Variants in FKBP5 observed in about 807,000 individuals in gnomAD.
The protein encoded by FKBP5 is peptidyl-prolyl cis-trans isomerase FKBP5.
A neutral mutation model predicts 50.5 loss-of-function variants in FKBP5; 23 were observed. That is an observed-to-expected ratio of 0.46 (90% CI 0.33 to 0.65). The LOEUF (loss-of-function observed/expected upper bound fraction) is 0.65, where lower values mean the gene tolerates loss of function less well. Ranked by LOEUF, FKBP5 falls within the 30% of genes least tolerant of loss-of-function variation. The pLI is 0.02. For missense variants in FKBP5, 411 were observed against 553.1 expected (o/e 0.74, Z 2.58); for synonymous variants, 176 against 190.6 (o/e 0.92, Z 0.63).
At chr6:35,620,842 T>C (rs545135032) in intron 3 of FKBP5, among the ~76,000 whole-genome samples, 21 of 152,212 alleles carry the variant, frequency 1.4e-4, no homozygotes, top group Non-Finnish European at 2.2e-4. Flanking sequence ...GTGGTAACAT[T>C]ATCCATGAAA....
At chr6:35,588,653 T>C (rs953401734) in intron 7 of FKBP5, among the ~76,000 whole-genome samples, 16 of 152,018 alleles carry the variant, frequency 1.1e-4, no homozygotes, top group African/African-American at 3.4e-4. Flanking sequence ...CAGGCTGGAG[T>C]GCAGTGGCAC....
At chr6:35,600,270 C>T (rs1028367104) in intron 5 of FKBP5, among the ~76,000 whole-genome samples, 1 of 151,870 alleles carries the variant, frequency 6.6e-6, no homozygotes, top group Non-Finnish European at 1.5e-5. Flanking sequence ...TTACTGAATT[C>T]GCTGAGGGTG....
chr6:35,651,756 C>A lies in FKBP5; in HGVS notation c.-19-8913G>T, dbSNP rs189739595. ...CAAGTGAAAAACTCCACACCTAATA[C>A]TTGTTTTCTAATGATTCAAGGTACA... is the stretch of plus-strand genomic sequence containing the variant. On this transcript the variant is annotated intron_variant, in intron 1 of 10. Transcript: ENST00000357266. 7.2e-4 allele frequency: 130 copies of A among 181,096 alleles called. 1 individual carries two copies. Among genetic ancestry groups the A allele is most frequent in the African/African-American group, 2.7e-3 (113 of 42,056 alleles). The allele number at this position is 181,096 out of a possible 1,614,324, so 11.2% of individuals were successfully genotyped here.
At chr6:35,688,535 C>T (rs1483759125) in intron 1 of FKBP5, among the ~76,000 whole-genome samples, 1 of 151,314 alleles carries the variant, frequency 6.6e-6, no homozygotes, top group Non-Finnish European at 1.5e-5. Flanking sequence ...CCCGCGGTCA[C>T]TAGTCTCCGC....
chr6:35,635,950 A>G (rs757792420), intron 3 of FKBP5, among the ~76,000 whole-genome samples: 5 of 152,238 alleles, frequency 3.3e-5, no homozygotes, highest in Non-Finnish European at 5.9e-5. Context: ...TCAAAACTGT[A>G]CAACTTGTAA....
In FKBP5 at chr6:35,658,930, A is replaced by C. The variant is rs1765031113; in HGVS notation, c.-19-16087T>G. On this transcript the variant is annotated intron_variant, in intron 1 of 10. Transcript: ENST00000357266. ...TACCAAAAAATACAAAAATTAGCTGAGCATGGTGGCACACACCTGTAGTCC... is the reference window on the plus strand; with the variant it reads ...TACCAAAAAATACAAAAATTAGCTGCGCATGGTGGCACACACCTGTAGTCC... Among the ~76,000 whole-genome samples, 2 of 81,404 alleles carry C rather than the reference A, an allele frequency of 2.5e-5. 1 individual carries two copies. Among genetic ancestry groups the C allele is most frequent in the Admixed American group, 2.5e-4 (2 of 7,862 alleles). The allele number at this position is 81,404 out of a possible 152,430, so 53.4% of individuals were successfully genotyped here.
intron 3 of FKBP5, among the ~76,000 whole-genome samples, chr6:35,631,439 G>A (rs894903254): frequency 6.6e-6 from 1 of 152,144 alleles, no homozygotes; most frequent in African/African-American, 2.4e-5. Flanking sequence ...GAAAGTGACT[G>A]CAAAAGGACA....
chr6:35,606,451 A>T (rs1581807467), intron 5 of FKBP5, among the ~76,000 whole-genome samples: 2 of 151,808 alleles, frequency 1.3e-5, no homozygotes, highest in East Asian at 3.9e-4. Context: ...AGGTCAGGAG[A>T]TCGAGACCAT....
intron 3 of FKBP5, among the ~76,000 whole-genome samples, chr6:35,634,453 C>T (rs900097983): frequency 2.6e-5 from 4 of 152,086 alleles, no homozygotes; most frequent in African/African-American, 9.7e-5. Context: ...ACTAAAGACC[C>T]AAAGGAGAAG....
chr6:35,694,827 G>A (rs1456704873), intron 2 of FKBP5, among the ~76,000 whole-genome samples: 1 of 152,174 alleles, frequency 6.6e-6, no homozygotes, highest in South Asian at 2.1e-4. Context: ...CCAAAATTTA[G>A]TGGCTTAAAA....
chr6:35,605,246 C>T (rs1763271645), intron 5 of FKBP5, among the ~76,000 whole-genome samples: 1 of 150,034 alleles, frequency 6.7e-6, no homozygotes, highest in Non-Finnish European at 1.5e-5. Context: ...TATATATATA[C>T]CTCTTTATCA....
intron 2 of FKBP5, among the ~76,000 whole-genome samples, chr6:35,706,074 ACT>A (rs1196150218): frequency 1.3e-5 from 2 of 151,862 alleles, no homozygotes; most frequent in Non-Finnish European, 2.9e-5. Flanking sequence ...GCACCACTGC[ACT>A]CCAGCCTAGG....
At chr6:35,639,078 A>G (rs1185973319) in intron 2 of FKBP5, among the ~76,000 whole-genome samples, 1 of 152,216 alleles carries the variant, frequency 6.6e-6, no homozygotes, top group East Asian at 1.9e-4. Context: ...ATTCATTTTT[A>G]AAATATAAAT....
At chr6:35,663,371 C>T (rs896792235) in intron 1 of FKBP5, among the ~76,000 whole-genome samples, 2 of 152,086 alleles carry the variant, frequency 1.3e-5, no homozygotes, top group Non-Finnish European at 2.9e-5. Context: ...CCTTGTGTGC[C>T]AAAGTAAAGT....
Position 35,597,388 on chromosome 6 carries a change from G to A in FKBP5, c.525C>T (p.Arg175=), listed in dbSNP as rs748835071. 9 of 1,613,792 alleles carry A rather than the reference G, an allele frequency of 5.6e-6. No individual in the cohort carries two copies. The highest frequency in any genetic ancestry group is 5.5e-5 in the South Asian group (5 of 90,990). ...TGCAGTCAAACATCCTTCCACCACA[G>A]CGGCCTTCCAGGTGGACTGAGGGCA... ...GATVEIHLEG[R]CGGRMFDCRD... is the part of the protein sequence containing the mutation. Residue 175 remains arginine (R), a synonymous_variant, in exon 6 of 11, where the codon CGC becomes CGT. Transcript: ENST00000357266.
chr6:35,675,884 C>G (rs958288139), intron 1 of FKBP5, among the ~76,000 whole-genome samples: 1 of 152,092 alleles, frequency 6.6e-6, no homozygotes, highest in Non-Finnish European at 1.5e-5. Flanking sequence ...TTCCTTCTAC[C>G]CTCAGGCTTG....
rs537289320 is a variant in FKBP5, at chr6:35,726,630, C to T, written c.-241+1878G>A. Among the ~76,000 whole-genome samples, 12 of 151,992 alleles carry T rather than the reference C, an allele frequency of 7.9e-5. No individual in the cohort carries two copies. In the South Asian group the frequency reaches 1.9e-3, roughly 24 times the overall value. On this transcript the variant is annotated intron_variant, in intron 1 of 11. Coordinates refer to the FKBP5 transcript ENST00000536438. ...GGATCTTTCTCCCATATCTTTCTCCCTAGAACCACCTTCTTTCTTCTGAGT... is the reference window on the plus strand; with the variant it reads ...GGATCTTTCTCCCATATCTTTCTCCTTAGAACCACCTTCTTTCTTCTGAGT...
intron 8 of FKBP5, chr6:35,581,308 A>G (rs922097512): frequency 4.8e-5 from 22 of 454,358 alleles, no homozygotes; most frequent in Non-Finnish European, 6.1e-5. Context: ...ATACATGCTC[A>G]TATGAGAAAC....
chr6:35,715,953 G>A (rs1354033014), intron 2 of FKBP5, among the ~76,000 whole-genome samples: 1 of 152,198 alleles, frequency 6.6e-6, no homozygotes, highest in Non-Finnish European at 1.5e-5. Context: ...AGGCCTTAAG[G>A]AGGGATTGGA....
Sources: gnomAD v4.1 joint callset for allele counts (sites outside exome capture counted in the v4.1 genomes callset) on GRCh38, gnomAD v4.1.1 for gene constraint, MANE v1.5 for transcripts, NCBI Gene and HGNC (gene_info 2026-07-23, HGNC 2026-07-21) for gene names.